Variants in MACROD2 observed in about 807,000 individuals in gnomAD.
The protein encoded by MACROD2 is ADP-ribose glycohydrolase MACROD2.
MACROD2 carries 36 observed loss-of-function variants against 70.4 expected under a neutral mutation model. The observed-to-expected ratio is 0.51, with a 90% CI of 0.39 to 0.68. The LOEUF is 0.68. MACROD2 is among the 30% of genes least tolerant of loss of function. The probability of loss-of-function intolerance (pLI) is 0.00; values close to 1 mark genes in which losing one functional copy is unlikely to be tolerated. For missense variants in MACROD2, 496 were observed against 538.4 expected (o/e 0.92, Z 0.78); for synonymous variants, 172 against 178.8 (o/e 0.96, Z 0.30).
chr20:14,109,206 T>C (rs2054413800), intron 3 of MACROD2, among the ~76,000 whole-genome samples: 1 of 151,972 alleles, frequency 6.6e-6, no homozygotes, highest in African/African-American at 2.4e-5. Flanking sequence ...ATTGAAACAT[T>C]TCTCAAAACA....
At chr20:13,998,177 A>G (rs533407155) in intron 1 of MACROD2, among the ~76,000 whole-genome samples, 19 of 152,276 alleles carry the variant, frequency 1.2e-4, no homozygotes, top group African/African-American at 4.6e-4. Flanking sequence ...AAGAAAATGC[A>G]TATATATTTG....
At chr20:15,092,568 G>A (rs1372564845) in intron 5 of MACROD2, among the ~76,000 whole-genome samples, 1 of 151,140 alleles carries the variant, frequency 6.6e-6, no homozygotes, top group Non-Finnish European at 1.5e-5. Flanking sequence ...ATTAAGTTAA[G>A]ATCTTAGACT....
chr20:14,258,505 T>C (rs2082075927), intron 3 of MACROD2, among the ~76,000 whole-genome samples: 1 of 152,204 alleles, frequency 6.6e-6, no homozygotes, highest in Admixed American at 6.5e-5. Flanking sequence ...TTTGGCTATT[T>C]GTATATCTTC....
chr20:15,127,314 A>T (rs570275718), intron 5 of MACROD2, among the ~76,000 whole-genome samples: 20 of 152,254 alleles, frequency 1.3e-4, no homozygotes, highest in African/African-American at 4.6e-4. Context: ...ACTATTCCAG[A>T]GTAATAAGAA....
intron 3 of MACROD2, among the ~76,000 whole-genome samples, chr20:14,482,251 A>G (rs1288072579): frequency 1.3e-5 from 2 of 151,316 alleles, no homozygotes; most frequent in African/African-American, 2.4e-5. Context: ...TTGCTTTAAA[A>G]TGATGTGTCC....
At chr20:15,085,869 AC>A (rs1450208307) in intron 5 of MACROD2, among the ~76,000 whole-genome samples, 22 of 111,000 alleles carry the variant, frequency 2.0e-4, no homozygotes, top group African/African-American at 6.7e-4. Context: ...ACACACACAC[AC>A]ACAACACACA....
intron 5 of MACROD2, among the ~76,000 whole-genome samples, chr20:14,777,106 A>G (rs1469116234): frequency 2.0e-5 from 3 of 152,068 alleles, no homozygotes; most frequent in Non-Finnish European, 4.4e-5. Flanking sequence ...GGATATTATG[A>G]ATAGAGATTC....
At chr20:15,106,594 G>A (rs544209310) in intron 5 of MACROD2, among the ~76,000 whole-genome samples, 1 of 152,164 alleles carries the variant, frequency 6.6e-6, no homozygotes, top group African/African-American at 2.4e-5. Context: ...CTCTGTGCAG[G>A]GCTAACCACT....
At chr20:14,996,831 C>T (rs919197721) in intron 5 of MACROD2, among the ~76,000 whole-genome samples, 2 of 152,054 alleles carry the variant, frequency 1.3e-5, no homozygotes, top group African/African-American at 2.4e-5. Context: ...GGGAACCGTC[C>T]ACACCAGCAG....
intron 8 of MACROD2, among the ~76,000 whole-genome samples, chr20:15,851,466 G>C (rs1454290479): frequency 3.3e-5 from 5 of 152,026 alleles, no homozygotes; most frequent in African/African-American, 9.7e-5. Flanking sequence ...TCTTCCCCCT[G>C]TGTCTTTACA....
intron 11 of MACROD2, among the ~76,000 whole-genome samples, chr20:15,937,157 A>G (rs1156513760): frequency 6.6e-6 from 1 of 152,212 alleles, no homozygotes; most frequent in Non-Finnish European, 1.5e-5. Flanking sequence ...ATCTGTTATC[A>G]AGAAAAATAA....
chr20:14,920,401 T>C (rs2074147381), intron 5 of MACROD2, among the ~76,000 whole-genome samples: 2 of 152,208 alleles, frequency 1.3e-5, no homozygotes, highest in Non-Finnish European at 2.9e-5. Flanking sequence ...GTTTCCTAAA[T>C]GTAAATAGGC....
At chr20:14,190,904 T>C (rs887783205) in intron 3 of MACROD2, among the ~76,000 whole-genome samples, 2 of 150,930 alleles carry the variant, frequency 1.3e-5, no homozygotes, top group African/African-American at 4.9e-5. Flanking sequence ...AGACAGGGTT[T>C]CACCGTGTTA....
intron 3 of MACROD2, among the ~76,000 whole-genome samples, chr20:14,156,597 TA>T (rs1214301111): frequency 5.9e-5 from 9 of 152,344 alleles, no homozygotes; most frequent in Admixed American, 5.9e-4. Flanking sequence ...AAGTTTAGTT[TA>T]CAGATTTTAA....
At chr20:14,234,035 G>T (rs2081846060) in intron 3 of MACROD2, among the ~76,000 whole-genome samples, 1 of 152,126 alleles carries the variant, frequency 6.6e-6, no homozygotes, top group South Asian at 2.1e-4. Flanking sequence ...GAACCCTCAT[G>T]TAATCTCTGG....
At chr20:14,504,883 C>G (rs1040689081) in intron 4 of MACROD2, among the ~76,000 whole-genome samples, 1 of 152,090 alleles carries the variant, frequency 6.6e-6, no homozygotes, top group African/African-American at 2.4e-5. Flanking sequence ...AATCATTATT[C>G]GGTGTACAAC....
chr20:15,171,504 A>T (rs1253978839), intron 5 of MACROD2, among the ~76,000 whole-genome samples: 1 of 151,708 alleles, frequency 6.6e-6, no homozygotes, highest in East Asian at 1.9e-4. Flanking sequence ...ACATAGTAAC[A>T]AGATTCAATA....
chr20:15,821,641 G>A (rs1265488293), intron 8 of MACROD2, among the ~76,000 whole-genome samples: 1 of 152,162 alleles, frequency 6.6e-6, no homozygotes, highest in Non-Finnish European at 1.5e-5. Flanking sequence ...AATGGATAGT[G>A]TGTCCGTATT....
At chr20:15,310,674 A>G (rs1824066349) in intron 6 of MACROD2, among the ~76,000 whole-genome samples, 1 of 152,186 alleles carries the variant, frequency 6.6e-6, no homozygotes, top group South Asian at 2.1e-4. Context: ...ATTGTGTTAG[A>G]CAAATTGAGT....
Sources: gnomAD v4.1 joint callset for allele counts (sites outside exome capture counted in the v4.1 genomes callset) on GRCh38, gnomAD v4.1.1 for gene constraint, MANE v1.5 for transcripts, NCBI Gene and HGNC (gene_info 2026-07-23, HGNC 2026-07-21) for gene names.